SLC4A5: variants seen among roughly 807,000 people sequenced by gnomAD.
SLC4A5 encodes the protein solute carrier family 4 member 5.
A neutral mutation model predicts 120.4 loss-of-function variants in SLC4A5; 96 were observed. The observed-to-expected ratio is 0.80, with a 90% CI of 0.68 to 0.94. The LOEUF (loss-of-function observed/expected upper bound fraction) is 0.94, where lower values mean the gene tolerates loss of function less well. SLC4A5 is among the 40% of genes least tolerant of loss of function. SLC4A5 has a pLI of 0.00. For missense variants in SLC4A5, 1,259 were observed against 1,459.5 expected, an observed-to-expected ratio of 0.86 and a Z score of 2.24; for synonymous variants, 550 against 571.1, an observed-to-expected ratio of 0.96 and a Z score of 0.53.
intron 8 of SLC4A5, among the ~76,000 whole-genome samples, chr2:74,268,478 T>C (rs1309897354): frequency 1.3e-5 from 2 of 152,266 alleles, no homozygotes; most frequent in African/African-American, 2.4e-5. Flanking sequence ...AGTATTCCAC[T>C]GTCTGAATGT....
At chr2:74,221,230 T>C (rs1412359537) in intron 30 of SLC4A5, among the ~76,000 whole-genome samples, 2 of 152,220 alleles carry the variant, frequency 1.3e-5, no homozygotes, top group Non-Finnish European at 2.9e-5. Flanking sequence ...GTTGTAACCA[T>C]GTTGTTAAGT....
rs747773241 is a variant in SLC4A5 at position 74,255,915 on chromosome 2, C to T, written c.885G>A (p.Met295Ile). The T allele has an allele frequency of 2.6e-5, 42 of 1,613,812 alleles. No homozygotes were observed. The South Asian group carries it at 4.6e-4, about 18-fold the overall frequency. ...CTTCTGAGTCCTTGGGGATCTTCTT[C>T]ATGAATTTGTTTTTCCGCTGGACAG... is the stretch of plus-strand genomic sequence containing the variant. Residue 295 changes from methionine to isoleucine, a missense_variant, in exon 13 of 31, where the codon ATG becomes ATA. By Grantham distance (10) the Met-to-Ile change is conservative. Transcript: ENST00000394019. The surrounding 1 kb of genome is among the most constrained non-coding windows in gnomAD (Gnocchi z 4.0).
exon 31 of SLC4A5, chr2:74,217,431 T>G (rs1416924175): frequency 6.6e-6 from 1 of 152,220 alleles, no homozygotes; most frequent in Non-Finnish European, 1.5e-5. Flanking sequence ...CAATCATTCC[T>G]TTAAAGTACT....
intron 6 of SLC4A5, among the ~76,000 whole-genome samples, chr2:74,314,440 A>G (rs1351583778): frequency 6.6e-6 from 1 of 152,086 alleles, no homozygotes; most frequent in African/African-American, 2.4e-5. Flanking sequence ...TTTTCCTTCA[A>G]GTGGGGCTGG....
At chr2:74,227,453 A>G (rs999075577) in intron 26 of SLC4A5, 2 of 1,568,964 alleles carry the variant, frequency 1.3e-6, no homozygotes, top group Non-Finnish European at 1.7e-6. Flanking sequence ...ACAGAACAAA[A>G]CAAAAATGTT....
At chr2:74,313,232 ATC>A (rs374320367) in intron 6 of SLC4A5, among the ~76,000 whole-genome samples, 169 of 151,894 alleles carry the variant, frequency 1.1e-3, no homozygotes, top group Middle Eastern at 6.8e-3. Flanking sequence ...GTTTTCTCTC[ATC>A]TCTGAGTGTA....
exon 31 of SLC4A5, chr2:74,216,584 GGAT>G (rs1694451523): frequency 6.6e-6 from 1 of 152,108 alleles, no homozygotes; most frequent in South Asian, 2.1e-4. Flanking sequence ...GGATTGGTGT[GGAT>G]GATAAATACT....
intron 6 of SLC4A5, chr2:74,307,565 G>A (rs1573085879): frequency 3.0e-6 from 2 of 662,422 alleles, no homozygotes; most frequent in East Asian, 3.3e-5. Context: ...TCTGCACAAT[G>A]TGGGCATTGT....
intron 8 of SLC4A5, among the ~76,000 whole-genome samples, chr2:74,284,922 A>T (rs1162954662): frequency 6.6e-6 from 1 of 151,960 alleles, no homozygotes; most frequent in Non-Finnish European, 1.5e-5. Flanking sequence ...GATTTTTCCC[A>T]CCATTCAGAC....
chr2:74,341,282 GC>G (rs1286254186), intron 2 of SLC4A5, among the ~76,000 whole-genome samples: 1 of 141,206 alleles, frequency 7.1e-6, no homozygotes, highest in Non-Finnish European at 1.5e-5. Flanking sequence ...CTCCAGCCTA[GC>G]GACAGAGCGA....
intron 5 of SLC4A5, among the ~76,000 whole-genome samples, chr2:74,320,744 G>A (rs10451659): frequency 6.6e-6 from 1 of 152,104 alleles, no homozygotes; most frequent in Non-Finnish European, 1.5e-5. Context: ...GAAAGTCACC[G>A]GAGAAGAACC....
intron 6 of SLC4A5, among the ~76,000 whole-genome samples, chr2:74,312,683 A>C (rs1273530552): frequency 6.6e-6 from 1 of 152,202 alleles, no homozygotes; most frequent in Non-Finnish European, 1.5e-5. Context: ...CTGTAATCTC[A>C]GCACTTTGGG....
chr2:74,265,019 G>T, intron 9 of SLC4A5, 85 bp downstream of exon 9: 1 of 1,460,144 alleles, frequency 6.8e-7, no homozygotes, highest in Non-Finnish European at 9.3e-7. Context: ...CCGTCACACA[G>T]ACTTGAGGGC....
intron 7 of SLC4A5, among the ~76,000 whole-genome samples, chr2:74,291,764 G>A (rs1383182423): frequency 1.3e-5 from 2 of 152,140 alleles, no homozygotes; most frequent in East Asian, 1.9e-4. Flanking sequence ...GCCATCACAC[G>A]TGGCCACAAG....
rs540554044 is a variant in SLC4A5 at position 74,259,501 on chromosome 2, C to G, written c.867+87G>C. 3 of 1,419,912 alleles carry G rather than the reference C, an allele frequency of 2.1e-6. No individual in the cohort carries two copies. The African/African-American group carries it at 4.2e-5, about 20-fold the overall frequency. The allele number at this position is 1,419,912 out of a possible 1,614,324, so 88.0% of individuals were successfully genotyped here. A position where few individuals can be genotyped will look rare whatever the true frequency, so the allele number is the denominator to read the frequency against. ...CCCACTCCTTTGTAGGAGTGGAACTCTGCCCATAGGGGATCCCTGCTCCTG... is the reference window on the plus strand; with the variant it reads ...CCCACTCCTTTGTAGGAGTGGAACTGTGCCCATAGGGGATCCCTGCTCCTG... On this transcript the variant is annotated intron_variant, in intron 12 of 30. Coordinates refer to ENST00000394019, the Ensembl canonical transcript of SLC4A5.
In SLC4A5 at chr2:74,232,463, TCCTA is replaced by T; in HGVS notation, c.2774+2_2774+5del. Reference sequence around the variant, plus strand: ...TGGGTGATCCCTAGGCCCTGACCCCTCCTACCTGACTCCCAGAAACTGGGGCTGC... The same window carrying T: ...TGGGTGATCCCTAGGCCCTGACCCCTCCTGACTCCCAGAAACTGGGGCTGC... On this transcript the variant is annotated splice_donor_variant and splice_donor_5th_base_variant and intron_variant, in intron 24 of 30. Coordinates refer to ENST00000394019, the Ensembl canonical transcript of SLC4A5. LOFTEE classifies it high-confidence loss of function. 2.5e-6 allele frequency: 4 copies of T among 1,613,694 alleles called. No individual in the cohort carries two copies. The highest frequency in any genetic ancestry group is 3.4e-6 in the Non-Finnish European group (4 of 1,179,798).
intron 17 of SLC4A5, among the ~76,000 whole-genome samples, chr2:74,248,726 C>A (rs1670698040): frequency 6.6e-6 from 1 of 152,152 alleles, no homozygotes; most frequent in South Asian, 2.1e-4. Flanking sequence ...CTTCTGGCAC[C>A]CAGGGCCTAG....
exon 23 of SLC4A5, chr2:74,233,483 G>A (rs373675468): frequency 1.5e-5 from 25 of 1,614,092 alleles, no homozygotes; most frequent in Middle Eastern, 1.6e-4. Flanking sequence ...CCAGCAGGGC[G>A]GGCAGGATGC....
At chr2:74,245,479 T>C (rs969675245) in intron 19 of SLC4A5, among the ~76,000 whole-genome samples, 35 of 152,184 alleles carry the variant, frequency 2.3e-4, no homozygotes, top group Non-Finnish European at 1.3e-4. Context: ...CTGATGGGGC[T>C]TCCCCACAGA....
Sources: allele counts gnomAD v4.1 joint callset (sites outside exome capture counted in the v4.1 genomes callset), GRCh38; gene constraint gnomAD v4.1.1; non-coding constraint Gnocchi (gnomAD v3.1); transcripts MANE v1.5; gene names NCBI Gene and HGNC (gene_info 2026-07-23, HGNC 2026-07-21).